Variants in PTPN22 observed in about 807,000 individuals in gnomAD.
PTPN22 encodes protein tyrosine phosphatase non-receptor type 22.
In PTPN22, 85 loss-of-function variants were observed where a neutral mutation model predicts 103.3. The ratio of observed to expected loss-of-function variants is 0.82; its 90% CI spans 0.69 to 0.99. The LOEUF is 0.99. Ranked by LOEUF, PTPN22 falls within the 50% of genes least tolerant of loss-of-function variation. The pLI is 0.00. For synonymous variants in PTPN22, 323 were observed against 310.2 expected, an observed-to-expected ratio of 1.04 and a Z score of -0.43; for missense variants, 865 against 936.9, an observed-to-expected ratio of 0.92 and a Z score of 1.00.
intron 11 of PTPN22, among the ~76,000 whole-genome samples, chr1:113,845,079 A>G (rs1360398086): frequency 6.6e-6 from 1 of 152,182 alleles, no homozygotes; most frequent in Non-Finnish European, 1.5e-5. Flanking sequence ...TTGGCCTCTC[A>G]AAGTGCTAGG....
Position 113,848,430 on chromosome 1 carries a change from C to T in PTPN22, c.915+110G>A, listed in dbSNP as rs6700802. The T allele has an allele frequency of 2.7e-3, 3,960 of 1,482,488 alleles. 91 individuals are homozygous for T. The African/African-American group carries it at 0.046, about 17-fold the overall frequency. 91.8% of individuals were successfully genotyped at this position (1,482,488 alleles called of 1,614,324 possible). On this transcript the variant is annotated intron_variant, in intron 11 of 20. Transcript: ENST00000359785. ...TCAGTGCAGCCCTATGCACACCTGA[C>T]GCTCTCAATTTAGTTGTGACAATAG...
intron 11 of PTPN22, among the ~76,000 whole-genome samples, chr1:113,844,799 C>G (rs1015577680): frequency 1.3e-5 from 2 of 152,058 alleles, no homozygotes; most frequent in Non-Finnish European, 2.9e-5. Context: ...CTTTCTGTTA[C>G]TGATTTTTTT....
rs757353386 is a variant in PTPN22, at chr1:113,819,682, G to T, written c.2282-28C>A. 3.4e-6 allele frequency: 5 copies of T among 1,491,130 alleles called. No individual in the cohort carries two copies. In the African/African-American group the frequency reaches 7.0e-5, roughly 21 times the overall value. 92.4% of individuals were successfully genotyped at this position (1,491,130 alleles called of 1,614,324 possible). A position where few individuals can be genotyped will look rare whatever the true frequency, so the allele number is the denominator to read the frequency against. ...AGAATCAAAAGAAAAAAATATAAGG[G>T]AAAGACTAAAGACAGACTCAGATGA... On this transcript the variant is annotated intron_variant, in intron 19 of 20. Coordinates refer to ENST00000359785, the Ensembl canonical transcript of PTPN22.
chr1:113,861,146 T>G (rs1164273439), intron 1 of PTPN22, among the ~76,000 whole-genome samples: 1 of 152,254 alleles, frequency 6.6e-6, no homozygotes, highest in Non-Finnish European at 1.5e-5. Flanking sequence ...TCATTTGTAA[T>G]GTATGAAAGA....
chr1:113,848,436 C>G (rs1046856235), intron 11 of PTPN22, 104 bp downstream of exon 11: 1 of 1,534,842 alleles, frequency 6.5e-7, no homozygotes, highest in Non-Finnish European at 8.9e-7. Context: ...CTGACGCTCT[C>G]AATTTAGTTG....
intron 13 of PTPN22, among the ~76,000 whole-genome samples, chr1:113,835,505 G>T (rs1662920604): frequency 6.6e-6 from 1 of 152,012 alleles, no homozygotes; most frequent in Admixed American, 6.6e-5. Context: ...GTGGCAGCAG[G>T]ACACTCCGTC....
chr1:113,831,228 G>A lies in PTPN22; in HGVS notation c.2054-1199C>T, dbSNP rs573050500. On this transcript the variant is annotated intron_variant, in intron 16 of 20. Transcript: ENST00000359785. Reference sequence around the variant, plus strand: ...ATCTAAATTCCTCTGCCTAACTTTGGGTGTAAATTCCTCTGCCTAACTTTG... The same window carrying A: ...ATCTAAATTCCTCTGCCTAACTTTGAGTGTAAATTCCTCTGCCTAACTTTG... Among the ~76,000 whole-genome samples, 5 of 152,012 alleles carry A rather than the reference G, an allele frequency of 3.3e-5. No individual in the cohort carries two copies. The East Asian group carries it at 7.7e-4, about 23-fold the overall frequency.
chr1:113,835,993 A>G (rs1662983216), intron 13 of PTPN22, among the ~76,000 whole-genome samples: 1 of 152,122 alleles, frequency 6.6e-6, no homozygotes, highest in Non-Finnish European at 1.5e-5. Context: ...AGATGCTCAG[A>G]GAAGTTTAAG....
intron 18 of PTPN22, among the ~76,000 whole-genome samples, chr1:113,827,473 T>C (rs1442675736): frequency 6.6e-6 from 1 of 152,098 alleles, no homozygotes; most frequent in Non-Finnish European, 1.5e-5. Context: ...ATAAATTATA[T>C]ATAAATATAT....
chr1:113,834,318 T>G (rs779068856), exon 15 of PTPN22: 3 of 1,613,944 alleles, frequency 1.9e-6, no homozygotes, highest in Non-Finnish European at 2.5e-6. Flanking sequence ...CCTTGCTTGG[T>G]CTAAGTATCA....
chr1:113,845,009 G>A (rs1470715725), intron 11 of PTPN22, among the ~76,000 whole-genome samples: 1 of 151,856 alleles, frequency 6.6e-6, no homozygotes, highest in East Asian at 1.9e-4. Context: ...GTAGAGACGG[G>A]GGTCCCCCTG....
intron 5 of PTPN22, 145 bp from the exon 6 acceptor site, chr1:113,856,764 G>A: frequency 1.1e-6 from 1 of 948,976 alleles, no homozygotes; most frequent in Non-Finnish European, 1.6e-6. Flanking sequence ...CTACATTATT[G>A]GAATCTCCAA....
chr1:113,836,870 G>A (rs1244954222), intron 13 of PTPN22, among the ~76,000 whole-genome samples: 1 of 152,128 alleles, frequency 6.6e-6, no homozygotes, highest in African/African-American at 2.4e-5. Context: ...AGGCTGCAAT[G>A]AGCAATGTCC....
chr1:113,814,893 T>C (rs754181975), exon 21 of PTPN22: 2 of 1,575,226 alleles, frequency 1.3e-6, no homozygotes, highest in Admixed American at 1.7e-5. Flanking sequence ...TTATTATAAA[T>C]CTGGAGTTTT....
intron 16 of PTPN22, among the ~76,000 whole-genome samples, chr1:113,832,697 A>T (rs565434498): frequency 6.6e-6 from 1 of 152,354 alleles, no homozygotes; most frequent in East Asian, 1.9e-4. Flanking sequence ...GAAGTGCCCA[A>T]TAAATGTTAG....
chr1:113,838,857 T>C (rs896846668), intron 11 of PTPN22, among the ~76,000 whole-genome samples: 3 of 152,194 alleles, frequency 2.0e-5, no homozygotes, highest in Non-Finnish European at 2.9e-5. Flanking sequence ...GTGTATATCA[T>C]CATCTTTTCA....
intron 18 of PTPN22, among the ~76,000 whole-genome samples, chr1:113,827,214 T>C (rs950046500): frequency 2.1e-4 from 32 of 152,334 alleles, no homozygotes; most frequent in African/African-American, 7.5e-4. Flanking sequence ...AATAGATATT[T>C]AATACATTAT....
intron 13 of PTPN22, among the ~76,000 whole-genome samples, chr1:113,836,180 C>T (rs974796277): frequency 1.3e-5 from 2 of 152,164 alleles, no homozygotes; most frequent in Non-Finnish European, 1.5e-5. Context: ...TTTTCTCCAC[C>T]TCCTATCTAT....
chr1:113,870,045 G>A (rs1217414), intron 1 of PTPN22, among the ~76,000 whole-genome samples: 53,966 of 152,016 alleles, frequency 0.36, 11,875 homozygotes, highest in African/African-American at 0.62. Flanking sequence ...CGGTACCAGA[G>A]TGTTAGCTCC....
Sources: allele counts gnomAD v4.1 joint callset (sites outside exome capture counted in the v4.1 genomes callset), GRCh38; gene constraint gnomAD v4.1.1; transcripts MANE v1.5; gene names NCBI Gene and HGNC (gene_info 2026-07-23, HGNC 2026-07-21).